The following FAM168A variants were observed in gnomAD, a reference collection of about 807,000 sequenced individuals.
FAM168A encodes family with sequence similarity 168 member A.
A neutral mutation model predicts 28.5 loss-of-function variants in FAM168A; 3 were observed. That is an observed-to-expected ratio of 0.11 (90% CI 0.05 to 0.27). FAM168A has a LOEUF of 0.27. Ranked by LOEUF, FAM168A falls within the 10% of genes least tolerant of loss-of-function variation. The probability of loss-of-function intolerance (pLI) is 1.00; values close to 1 mark genes in which losing one functional copy is unlikely to be tolerated. For missense variants in FAM168A, 222 were observed against 311.5 expected (o/e 0.71, Z 2.16); for synonymous variants, 122 against 124.2 (o/e 0.98, Z 0.12).
chr11:73,487,144 T>C (rs1465159094), intron 1 of FAM168A, among the ~76,000 whole-genome samples: 1 of 152,178 alleles, frequency 6.6e-6, no homozygotes, highest in African/African-American at 2.4e-5. Context: ...TTCCAGACTT[T>C]AATCCTATGT....
chr11:73,475,685 GA>G (rs1369247068), intron 1 of FAM168A, among the ~76,000 whole-genome samples: 1 of 151,748 alleles, frequency 6.6e-6, no homozygotes, highest in Non-Finnish European at 1.5e-5. Flanking sequence ...GTCTATTCAA[GA>G]AAAACTTCTG....
At chr11:73,493,619 T>C (rs926518043) in intron 1 of FAM168A, among the ~76,000 whole-genome samples, 1 of 152,202 alleles carries the variant, frequency 6.6e-6, no homozygotes, top group African/African-American at 2.4e-5. Context: ...GGTTTCACCA[T>C]GTTGCCCAGG....
intron 1 of FAM168A, among the ~76,000 whole-genome samples, chr11:73,564,366 G>A (rs757512145): frequency 6.6e-6 from 1 of 152,094 alleles, no homozygotes; most frequent in South Asian, 2.1e-4. Context: ...CCACCTCAAG[G>A]AACCCTGTGA....
chr11:73,580,845 T>G (rs1211850037), intron 1 of FAM168A, among the ~76,000 whole-genome samples: 1 of 152,196 alleles, frequency 6.6e-6, no homozygotes, highest in East Asian at 1.9e-4. Flanking sequence ...AAAAACAAAT[T>G]TGTTTTTATG....
intron 1 of FAM168A, among the ~76,000 whole-genome samples, chr11:73,574,144 T>C (rs1944142654): frequency 6.6e-6 from 1 of 152,130 alleles, no homozygotes; most frequent in African/African-American, 2.4e-5. Context: ...TAATTAATTC[T>C]CTAAGCCCCA....
At chr11:73,567,115 C>A (rs1944030008) in intron 1 of FAM168A, among the ~76,000 whole-genome samples, 1 of 152,142 alleles carries the variant, frequency 6.6e-6, no homozygotes, top group Admixed American at 6.6e-5. Flanking sequence ...AGGCTGCCGT[C>A]CACACAAGAG....
intron 1 of FAM168A, 75 bp from the exon 2 acceptor site, chr11:73,468,567 C>A: frequency 2.5e-6 from 3 of 1,218,818 alleles, no homozygotes; most frequent in South Asian, 2.6e-5. Flanking sequence ...CCTCCATAAT[C>A]TTCAGTTTTC....
chr11:73,571,463 G>C (rs1407880882), intron 1 of FAM168A, among the ~76,000 whole-genome samples: 1 of 151,930 alleles, frequency 6.6e-6, no homozygotes, highest in East Asian at 1.9e-4. Flanking sequence ...GGCCGGGCTG[G>C]TCTCCAGCTC....
chr11:73,573,388 G>T (rs1944131008), intron 1 of FAM168A, among the ~76,000 whole-genome samples: 1 of 152,088 alleles, frequency 6.6e-6, no homozygotes, highest in South Asian at 2.1e-4. Flanking sequence ...CCACTTCCTT[G>T]TTCTAGGGAT....
chr11:73,589,979 A>G (rs1565310931), intron 1 of FAM168A, among the ~76,000 whole-genome samples: 1 of 152,230 alleles, frequency 6.6e-6, no homozygotes, highest in Non-Finnish European at 1.5e-5. Flanking sequence ...TTTATATTCC[A>G]TGCAAAACAA....
At chr11:73,484,735 TATATAG>T (rs1868030568) in intron 1 of FAM168A, among the ~76,000 whole-genome samples, 1 of 144,120 alleles carries the variant, frequency 6.9e-6, no homozygotes, top group African/African-American at 2.6e-5. Context: ...TATATATCGA[TATATAG>T]ATATATAGAT....
intron 1 of FAM168A, among the ~76,000 whole-genome samples, chr11:73,529,653 G>A (rs932798902): frequency 2.0e-5 from 3 of 152,124 alleles, no homozygotes; most frequent in Non-Finnish European, 4.4e-5. Context: ...TTTAACTTAC[G>A]TTAAGAACAG....
At chr11:73,578,250 T>C (rs550702199) in intron 1 of FAM168A, among the ~76,000 whole-genome samples, 3 of 152,094 alleles carry the variant, frequency 2.0e-5, no homozygotes, top group African/African-American at 7.2e-5. Context: ...TCTATAGTGA[T>C]AGAAAAGCCG....
chr11:73,533,977 T>C (rs945057626), intron 1 of FAM168A, among the ~76,000 whole-genome samples: 3 of 152,278 alleles, frequency 2.0e-5, no homozygotes, highest in African/African-American at 4.8e-5. Flanking sequence ...TGTTAAGCAA[T>C]AGATTCAAAA....
chr11:73,552,627 G>A (rs1464860173), intron 1 of FAM168A, among the ~76,000 whole-genome samples: 1 of 152,162 alleles, frequency 6.6e-6, no homozygotes, highest in Non-Finnish European at 1.5e-5. Flanking sequence ...TGGCACGAAA[G>A]AGGTACTCAA....
At chr11:73,481,087 C>A (rs1867961940) in intron 1 of FAM168A, among the ~76,000 whole-genome samples, 1 of 152,192 alleles carries the variant, frequency 6.6e-6, no homozygotes, top group South Asian at 2.1e-4. Flanking sequence ...CTGGATAATT[C>A]TTCTTCTTCT....
At chr11:73,414,574 A>G (rs186329086) in intron 4 of FAM168A, among the ~76,000 whole-genome samples, 1 of 152,340 alleles carries the variant, frequency 6.6e-6, no homozygotes, top group African/African-American at 2.4e-5. Context: ...CTTAATAGCT[A>G]TAGGATACAT....
intron 2 of FAM168A, among the ~76,000 whole-genome samples, chr11:73,431,756 A>T (rs1382202952): frequency 6.6e-6 from 1 of 151,996 alleles, no homozygotes; most frequent in Non-Finnish European, 1.5e-5. Context: ...ATTTTTTGAA[A>T]TTTTTTTTAT....
intron 1 of FAM168A, among the ~76,000 whole-genome samples, chr11:73,545,275 C>T (rs1943732543): frequency 2.6e-5 from 4 of 151,392 alleles, no homozygotes; most frequent in South Asian, 4.2e-4. Flanking sequence ...ATCCACCCAT[C>T]TAGGCCTCCC....
Sources: gnomAD v4.1 joint callset for allele counts (sites outside exome capture counted in the v4.1 genomes callset) on GRCh38, gnomAD v4.1.1 for gene constraint, MANE v1.5 for transcripts, NCBI Gene and HGNC (gene_info 2026-07-23, HGNC 2026-07-21) for gene names.